PHF14: variants seen among roughly 807,000 people sequenced by gnomAD.
PHF14 encodes PHD finger protein 14.
Under a neutral mutation model 117.9 loss-of-function variants are expected in PHF14, and 55 were observed. The ratio of observed to expected loss-of-function variants is 0.47; its 90% CI spans 0.38 to 0.58. PHF14 has a LOEUF of 0.58. Among genes scored for constraint, PHF14 ranks in the 20% least tolerant of loss-of-function variants. PHF14 has a pLI of 0.00. For missense variants in PHF14, 978 were observed against 1,122.2 expected, an observed-to-expected ratio of 0.87 and a Z score of 1.84; for synonymous variants, 409 against 368.6, an observed-to-expected ratio of 1.11 and a Z score of -1.26.
chr7:11,136,570 G>A (rs971542148), intron 17 of PHF14, among the ~76,000 whole-genome samples: 15 of 152,070 alleles, frequency 9.9e-5, no homozygotes, highest in African/African-American at 3.4e-4. Flanking sequence ...TTAAAAAAGT[G>A]GAGGTTGAGC....
chr7:11,117,598 T>G (rs555454092), intron 17 of PHF14, among the ~76,000 whole-genome samples: 2 of 151,244 alleles, frequency 1.3e-5, no homozygotes, highest in African/African-American at 4.8e-5. Flanking sequence ...TGTATTTATA[T>G]GTATAAATAC....
At chr7:11,006,368 A>C in intron 4 of PHF14, 1 of 489,954 alleles carries the variant, frequency 2.0e-6, no homozygotes, top group Non-Finnish European at 4.0e-6. Flanking sequence ...AAACATACAC[A>C]TATATTTAGA....
chr7:11,071,357 T>C, intron 16 of PHF14: 1 of 484,740 alleles, frequency 2.1e-6, no homozygotes, highest in Non-Finnish European at 4.1e-6. Flanking sequence ...TCTGTGATTA[T>C]GTAGACTATG....
chr7:11,053,926 A>G (rs1046317889), intron 14 of PHF14, among the ~76,000 whole-genome samples: 1 of 152,022 alleles, frequency 6.6e-6, no homozygotes, highest in African/African-American at 2.4e-5. Flanking sequence ...GATTTTGGTC[A>G]GTGAAACACC....
intron 16 of PHF14, among the ~76,000 whole-genome samples, chr7:11,094,294 A>G (rs1693477013): frequency 6.6e-6 from 1 of 152,188 alleles, no homozygotes; most frequent in Non-Finnish European, 1.5e-5. Flanking sequence ...AACCAGTTTC[A>G]TTTGGTCAAG....
chr7:11,039,162 A>G (rs1784419917), intron 11 of PHF14, among the ~76,000 whole-genome samples: 1 of 152,060 alleles, frequency 6.6e-6, no homozygotes, highest in African/African-American at 2.4e-5. Flanking sequence ...TTTTCCTACT[A>G]CATTCTTCTT....
At chr7:11,034,057 C>A (rs1784223067) in intron 7 of PHF14, among the ~76,000 whole-genome samples, 1 of 152,110 alleles carries the variant, frequency 6.6e-6, no homozygotes, top group African/African-American at 2.4e-5. Flanking sequence ...TTTATGTCTT[C>A]AAATTCTGTG....
At chr7:11,071,495 T>C (rs191093360) in intron 16 of PHF14, among the ~76,000 whole-genome samples, 1 of 152,322 alleles carries the variant, frequency 6.6e-6, no homozygotes, top group Non-Finnish European at 1.5e-5. Flanking sequence ...ATAGCAGATA[T>C]TTCCTTTTTA....
At chr7:11,083,836 G>A (rs527467695) in intron 16 of PHF14, among the ~76,000 whole-genome samples, 4 of 152,184 alleles carry the variant, frequency 2.6e-5, no homozygotes, top group South Asian at 4.1e-4. Context: ...AAAAATGAGC[G>A]GTTGCCAGTA....
rs1479081666 is a variant in PHF14 at position 11,129,454 on chromosome 7, AAAGT to A, written c.2772+17992_2772+17995del. Among the ~76,000 whole-genome samples the A allele has an allele frequency of 2.6e-5, 4 of 152,178 alleles. No homozygotes were observed. The East Asian group carries it at 7.7e-4, about 29-fold the overall frequency. The stretch of plus-strand genomic sequence containing the variant: ...ATAGACACAGTTTTAAATTAAAAGG[AAAGT>A]AAGTTGTCTCCTTCAGAATAAAGAA... On this transcript the variant is annotated intron_variant, in intron 17 of 17. Coordinates refer to ENST00000634607, the MANE Select transcript of PHF14 (RefSeq NM_001007157.2).
chr7:11,149,314 A>AT (rs908794808), intron 17 of PHF14, among the ~76,000 whole-genome samples: 1 of 152,154 alleles, frequency 6.6e-6, no homozygotes, highest in African/African-American at 2.4e-5. Flanking sequence ...CTGACTCGTC[A>AT]TGGCAAACAA....
At chr7:11,058,593 A>G (rs1183929322) in intron 14 of PHF14, among the ~76,000 whole-genome samples, 1 of 152,216 alleles carries the variant, frequency 6.6e-6, no homozygotes, top group Admixed American at 6.5e-5. Context: ...CTACCAAATT[A>G]TGTAGACTAT....
intron 13 of PHF14, among the ~76,000 whole-genome samples, chr7:11,046,300 A>AT (rs764274041): frequency 7.2e-5 from 11 of 152,196 alleles, no homozygotes; most frequent in Non-Finnish European, 1.6e-4. Context: ...TCATCTCTTA[A>AT]TTTTAGAAGA....
At chr7:11,112,658 C>T (rs752211753) in intron 17 of PHF14, among the ~76,000 whole-genome samples, 3 of 151,896 alleles carry the variant, frequency 2.0e-5, no homozygotes, top group Non-Finnish European at 4.4e-5. Context: ...CTAATCCCAG[C>T]TACTTGGGAG....
intron 11 of PHF14, among the ~76,000 whole-genome samples, 158 bp downstream of exon 11, chr7:11,039,013 A>G (rs1414358256): frequency 6.6e-6 from 1 of 152,172 alleles, no homozygotes; most frequent in Non-Finnish European, 1.5e-5. Flanking sequence ...AAATACACCT[A>G]GAGCATTGGA....
intron 16 of PHF14, among the ~76,000 whole-genome samples, chr7:11,084,600 T>A (rs1006222361): frequency 6.6e-6 from 1 of 152,090 alleles, no homozygotes; most frequent in African/African-American, 2.4e-5. Context: ...GGATGTATCA[T>A]AATTTACTGT....
intron 17 of PHF14, among the ~76,000 whole-genome samples, chr7:11,159,708 T>C (rs577234202): frequency 6.6e-6 from 1 of 152,292 alleles, no homozygotes; most frequent in South Asian, 2.1e-4. Context: ...GGGATCTCTG[T>C]ATTATTTCTT....
At chr7:11,052,033 A>G (rs1460011198) in intron 14 of PHF14, among the ~76,000 whole-genome samples, 2 of 152,168 alleles carry the variant, frequency 1.3e-5, no homozygotes, top group South Asian at 2.1e-4. Context: ...AAGACAGACC[A>G]TTCCCAAAGC....
Position 11,036,998 on chromosome 7 carries a change from C to A in PHF14, c.1887C>A (p.Arg629=). 1 of 1,503,132 alleles carries A rather than the reference C, an allele frequency of 6.7e-7. No homozygotes were observed. Among genetic ancestry groups the A allele is most frequent in the Non-Finnish European group, 9.1e-7 (1 of 1,103,222 alleles). The allele number at this position is 1,503,132 out of a possible 1,614,324, so 93.1% of individuals were successfully genotyped here. A position where few individuals can be genotyped will look rare whatever the true frequency, so the allele number is the denominator to read the frequency against. The change falls in exon 10 of 18, where the codon CGC becomes CGA. Residue 629 remains arginine, a synonymous_variant. Coordinates refer to ENST00000634607, the MANE Select transcript of PHF14 (RefSeq NM_001007157.2). ...FVNYYFERNM[R]MIQIQENMAE... is the part of the protein sequence containing the mutation. ...TCATTTAAATAGAGAGAAATATGCG[C>A]ATGATTCAAATTCAGGAAAATATGG...
Sources: allele counts gnomAD v4.1 joint callset (sites outside exome capture counted in the v4.1 genomes callset), GRCh38; gene constraint gnomAD v4.1.1; transcripts MANE v1.5; gene names NCBI Gene and HGNC (gene_info 2026-07-23, HGNC 2026-07-21).